LYRM4: variants seen among roughly 807,000 people sequenced by gnomAD.
LYRM4 encodes the protein LYR motif containing 4, also known as LYR motif-containing protein 4.
Under a neutral mutation model 11.7 loss-of-function variants are expected in LYRM4, and 9 were observed. The ratio of observed to expected loss-of-function variants is 0.77; its 90% confidence interval spans 0.46 to 1.34. LYRM4 has a LOEUF of 1.34. LYRM4 is among the 40% of genes most tolerant of loss of function. The pLI is 0.00. For missense variants in LYRM4, 133 were observed against 112.5 expected (o/e 1.18, Z -0.82); for synonymous variants, 42 against 40.4 (o/e 1.04, Z -0.15).
intron 2 of LYRM4, among the ~76,000 whole-genome samples, chr6:5,160,395 G>C (rs1324895403): frequency 6.6e-6 from 1 of 152,100 alleles, no homozygotes; most frequent in Non-Finnish European, 1.5e-5. Context: ...ATCTCATCTT[G>C]AATTCCCACG....
At chr6:5,260,536 C>T (rs1410549107) in intron 1 of LYRM4, 112 bp downstream of exon 1, 1 of 1,420,786 alleles carries the variant, frequency 7.0e-7, no homozygotes, top group East Asian at 2.5e-5. Context: ...GCCTCGCAGC[C>T]GCCGGCAAAC....
intron 2 of LYRM4, among the ~76,000 whole-genome samples, chr6:5,173,274 C>T (rs1759532131): frequency 6.6e-6 from 1 of 152,200 alleles, no homozygotes; most frequent in African/African-American, 2.4e-5. Context: ...ACCAATCAGA[C>T]ACATCAACGC....
the LYRM4 span, among the ~76,000 whole-genome samples, chr6:5,069,892 C>T: frequency 5.3e-5 from 8 of 152,208 alleles, no homozygotes; most frequent in Non-Finnish European, 1.0e-4. Context: ...ACTGCTGCGT[C>T]CCTAGCACCT....
intron 2 of LYRM4, among the ~76,000 whole-genome samples, chr6:5,120,576 G>A (rs993413404): frequency 6.6e-6 from 1 of 152,210 alleles, no homozygotes; most frequent in Non-Finnish European, 1.5e-5. Flanking sequence ...TGCTGCTGCT[G>A]GCTGGGGGTG....
intron 2 of LYRM4, among the ~76,000 whole-genome samples, chr6:5,182,744 A>C (rs1027672366): frequency 1.3e-5 from 2 of 152,206 alleles, no homozygotes; most frequent in Non-Finnish European, 2.9e-5. Context: ...ATCAGCCATG[A>C]GAGAGGACAG....
the LYRM4 span, among the ~76,000 whole-genome samples, chr6:5,082,422 G>A: frequency 3.3e-5 from 5 of 152,108 alleles, no homozygotes; most frequent in Admixed American, 6.5e-5. Flanking sequence ...GGGGGTCCCT[G>A]CCCCAGTGAC....
chr6:5,041,230 G>A, the LYRM4 span, among the ~76,000 whole-genome samples: 2 of 150,674 alleles, frequency 1.3e-5, no homozygotes, highest in African/African-American at 2.4e-5. Flanking sequence ...ATAGTTAAAA[G>A]CTCAATAACT....
chr6:5,240,341 A>G (rs1763805002), intron 1 of LYRM4, among the ~76,000 whole-genome samples: 1 of 152,182 alleles, frequency 6.6e-6, no homozygotes, highest in Non-Finnish European at 1.5e-5. Flanking sequence ...ACTTTGGAAT[A>G]TGGCATGTAC....
At chr6:5,085,518 GGCGCCGGGACCA>G in the LYRM4 span, 1 of 1,538,148 alleles carries the variant, frequency 6.5e-7, no homozygotes, top group Non-Finnish European at 8.7e-7. Flanking sequence ...TAAGTTTGGA[GGCGCCGGGACCA>G]GCGCCCTTCC....
chr6:5,235,500 T>G (rs912317338), intron 1 of LYRM4, among the ~76,000 whole-genome samples: 1 of 152,214 alleles, frequency 6.6e-6, no homozygotes, highest in East Asian at 1.9e-4. Context: ...AGTTTTATGT[T>G]TTGGTGACTA....
At chr6:5,174,107 C>T (rs1400467427) in intron 2 of LYRM4, among the ~76,000 whole-genome samples, 1 of 152,150 alleles carries the variant, frequency 6.6e-6, no homozygotes, top group Non-Finnish European at 1.5e-5. Context: ...TCTCAGTTCT[C>T]TTTTGTTGTC....
At chr6:5,144,228 G>C (rs763762604) in intron 2 of LYRM4, 7 of 1,536,886 alleles carry the variant, frequency 4.6e-6, no homozygotes, top group Non-Finnish European at 6.1e-6. Flanking sequence ...GCTGTTCCCC[G>C]ACTTCCTCCT....
intron 1 of LYRM4, among the ~76,000 whole-genome samples, chr6:5,236,800 A>G (rs1352672510): frequency 1.3e-5 from 2 of 150,902 alleles, no homozygotes; most frequent in Non-Finnish European, 3.0e-5. Flanking sequence ...AAAAAAAAAA[A>G]TTAAAAATTA....
intron 1 of LYRM4, among the ~76,000 whole-genome samples, chr6:5,251,125 A>G (rs1764409401): frequency 6.6e-6 from 1 of 152,216 alleles, no homozygotes; most frequent in African/African-American, 2.4e-5. Context: ...CAGCAGGGCC[A>G]TCTTGTGTTT....
chr6:5,247,328 A>G (rs536898643), intron 1 of LYRM4, among the ~76,000 whole-genome samples: 37 of 152,232 alleles, frequency 2.4e-4, no homozygotes, highest in Non-Finnish European at 5.0e-4. Flanking sequence ...GAGTGCTCAA[A>G]CAAGATTTGC....
At chr6:5,228,110 C>G (rs1763001367) in intron 1 of LYRM4, among the ~76,000 whole-genome samples, 1 of 152,026 alleles carries the variant, frequency 6.6e-6, no homozygotes, top group African/African-American at 2.4e-5. Context: ...TGTAAGAAAC[C>G]TGCACATGTA....
At chr6:5,256,112 A>C (rs1764651802) in intron 1 of LYRM4, among the ~76,000 whole-genome samples, 1 of 152,036 alleles carries the variant, frequency 6.6e-6, no homozygotes, top group Non-Finnish European at 1.5e-5. Context: ...TAAGGTGAGA[A>C]AATTAGTGGC....
At chr6:5,251,544 T>C (rs757654984) in intron 1 of LYRM4, among the ~76,000 whole-genome samples, 2 of 152,082 alleles carry the variant, frequency 1.3e-5, no homozygotes, top group African/African-American at 2.4e-5. Context: ...AGGAAGGAGA[T>C]GCCACATACT....
intron 1 of LYRM4, among the ~76,000 whole-genome samples, chr6:5,236,726 T>G (rs111643284): frequency 0.099 from 14,971 of 151,516 alleles, 984 homozygotes; most frequent in African/African-American, 0.18. Context: ...GGCGGGAGGA[T>G]TGCTTGAGCC....
Sources: gnomAD v4.1 joint callset for allele counts (sites outside exome capture counted in the v4.1 genomes callset) on GRCh38, gnomAD v4.1.1 for gene constraint, MANE v1.5 for transcripts, NCBI Gene and HGNC (gene_info 2026-07-23, HGNC 2026-07-21) for gene names.